The following CLSTN2 variants were observed in gnomAD, a reference collection of about 807,000 sequenced individuals.
The protein encoded by CLSTN2 is calsyntenin-2.
Under a neutral mutation model 101.2 loss-of-function variants are expected in CLSTN2, and 48 were observed. That is an observed-to-expected ratio of 0.47 (90% CI 0.38 to 0.60). CLSTN2 has a LOEUF of 0.60. Among genes scored for constraint, CLSTN2 ranks in the 20% least tolerant of loss-of-function variants. The pLI is 0.00. For missense variants in CLSTN2, 1,160 were observed against 1,238.2 expected, an observed-to-expected ratio of 0.94 and a Z score of 0.95; for synonymous variants, 481 against 463.6, an observed-to-expected ratio of 1.04 and a Z score of -0.48.
intron 2 of CLSTN2, among the ~76,000 whole-genome samples, chr3:140,380,818 G>A (rs1240724435): frequency 1.3e-5 from 2 of 152,174 alleles, no homozygotes; most frequent in Non-Finnish European, 2.9e-5. Flanking sequence ...ATTCCTTCTG[G>A]GGTCCTGTCT....
chr3:139,964,277 C>T (rs1248528021), intron 1 of CLSTN2, among the ~76,000 whole-genome samples: 2 of 152,136 alleles, frequency 1.3e-5, no homozygotes, highest in East Asian at 3.9e-4. Context: ...GGGATACAGC[C>T]ATGCAGGGAG....
At position 140,411,660 on chromosome 3, in the gene CLSTN2, C is replaced by A. The variant is rs185817362; in HGVS notation, c.637+6894C>A. 3.9e-5 allele frequency among the ~76,000 whole-genome samples: 6 copies of A among 152,326 alleles called. No individual in the cohort carries two copies. In the East Asian group the frequency reaches 1.2e-3, roughly 29 times the overall value. Reference sequence around the variant, plus strand: ...TCTCCAGGAAGATCACATATTAGGTCATTGTTTTCAATGAAACTCTTCAAG... The same window carrying A: ...TCTCCAGGAAGATCACATATTAGGTAATTGTTTTCAATGAAACTCTTCAAG... On this transcript the variant is annotated intron_variant, in intron 4 of 16. Transcript: ENST00000458420.
At chr3:140,037,251 C>G (rs1347120114) in intron 1 of CLSTN2, among the ~76,000 whole-genome samples, 1 of 152,192 alleles carries the variant, frequency 6.6e-6, no homozygotes, top group Non-Finnish European at 1.5e-5. Flanking sequence ...AGACCCAACA[C>G]CTACCACAGA....
intron 2 of CLSTN2, among the ~76,000 whole-genome samples, chr3:140,386,163 TA>T (rs2088049123): frequency 6.6e-6 from 1 of 152,212 alleles, no homozygotes; most frequent in Non-Finnish European, 1.5e-5. Flanking sequence ...AATAGCCCAA[TA>T]CAGTATAATC....
chr3:140,315,568 G>GTCT (rs1332433031), intron 2 of CLSTN2, among the ~76,000 whole-genome samples: 1 of 152,128 alleles, frequency 6.6e-6, no homozygotes, highest in Non-Finnish European at 1.5e-5. Flanking sequence ...TTCCACGTGG[G>GTCT]CCAAATGTGA....
intron 10 of CLSTN2, among the ~76,000 whole-genome samples, 198 bp from the exon 11 acceptor site, chr3:140,556,315 C>T (rs1935789241): frequency 6.6e-6 from 1 of 152,110 alleles, no homozygotes; most frequent in African/African-American, 2.4e-5. Flanking sequence ...TAGGAAAGGG[C>T]CGCAAAGCCC....
Position 140,433,229 on chromosome 3 carries a change from G to T in CLSTN2, c.787+11955G>T, listed in dbSNP as rs556795409. Among the ~76,000 whole-genome samples, 4 of 152,364 alleles carry T rather than the reference G, an allele frequency of 2.6e-5. No individual in the cohort carries two copies. The South Asian group carries it at 8.3e-4, about 32-fold the overall frequency. On this transcript the variant is annotated intron_variant, in intron 5 of 16. Transcript: ENST00000458420. ...CAGACTTGAGAGAGGACCATGGCTT[G>T]TGGATGGTGGAGGTGGGAGGGGTAT...
chr3:140,135,105 C>CATATATAT (rs2009589677), intron 1 of CLSTN2, among the ~76,000 whole-genome samples: 4 of 53,300 alleles, frequency 7.5e-5, no homozygotes, highest in African/African-American at 2.7e-4. Context: ...CACACACACA[C>CATATATAT]ACACACACAC....
At chr3:139,985,739 G>A (rs1448439801) in intron 1 of CLSTN2, among the ~76,000 whole-genome samples, 1 of 152,146 alleles carries the variant, frequency 6.6e-6, no homozygotes, top group East Asian at 1.9e-4. Context: ...CATGCCTTTG[G>A]AGTGTGTATT....
chr3:140,288,971 C>T (rs1392415814), intron 2 of CLSTN2, among the ~76,000 whole-genome samples: 1 of 152,150 alleles, frequency 6.6e-6, no homozygotes, highest in Admixed American at 6.5e-5. Context: ...TTTTCCTCTT[C>T]ACCTGGGTCA....
At chr3:140,144,591 G>A (rs990247964) in intron 1 of CLSTN2, among the ~76,000 whole-genome samples, 1 of 152,076 alleles carries the variant, frequency 6.6e-6, no homozygotes, top group Admixed American at 6.6e-5. Flanking sequence ...ACTCCAGCCT[G>A]GGCATCAGAG....
intron 1 of CLSTN2, among the ~76,000 whole-genome samples, chr3:139,947,271 T>G (rs73867235): frequency 0.05 from 7,599 of 152,310 alleles, 595 homozygotes; most frequent in African/African-American, 0.17. Context: ...AACCTACTCT[T>G]GTCCTCCCAG....
At chr3:140,047,469 AT>A (rs2007904030) in intron 1 of CLSTN2, among the ~76,000 whole-genome samples, 1 of 152,124 alleles carries the variant, frequency 6.6e-6, no homozygotes, top group South Asian at 2.1e-4. Flanking sequence ...TTTATATAAT[AT>A]TTTATTTTAA....
chr3:140,168,450 G>C (rs1003902828), intron 1 of CLSTN2, among the ~76,000 whole-genome samples: 1 of 151,930 alleles, frequency 6.6e-6, no homozygotes, highest in Admixed American at 6.6e-5. Context: ...TTTCCTCCTA[G>C]TCTGTGGCTT....
At chr3:140,162,029 G>T (rs765751385) in intron 1 of CLSTN2, among the ~76,000 whole-genome samples, 1 of 152,164 alleles carries the variant, frequency 6.6e-6, no homozygotes, top group Non-Finnish European at 1.5e-5. Flanking sequence ...AAAAAACAGT[G>T]GGAAGAGTCT....
chr3:140,258,581 T>C (rs1266483862), intron 2 of CLSTN2, among the ~76,000 whole-genome samples: 1 of 152,220 alleles, frequency 6.6e-6, no homozygotes, highest in Non-Finnish European at 1.5e-5. Context: ...GCTGCTGTGA[T>C]ATGTATTTGC....
At chr3:140,060,414 C>T (rs1313066111) in intron 1 of CLSTN2, among the ~76,000 whole-genome samples, 1 of 152,100 alleles carries the variant, frequency 6.6e-6, no homozygotes, top group African/African-American at 2.4e-5. Flanking sequence ...TGCTTTAATA[C>T]GATCCCCAAA....
intron 2 of CLSTN2, among the ~76,000 whole-genome samples, chr3:140,256,941 G>A (rs770877416): frequency 6.6e-6 from 1 of 152,186 alleles, no homozygotes; most frequent in Non-Finnish European, 1.5e-5. Context: ...TCTATGCTGG[G>A]AAGTCTGGCT....
At chr3:140,044,114 T>C (rs2107765097) in intron 1 of CLSTN2, among the ~76,000 whole-genome samples, 1 of 152,338 alleles carries the variant, frequency 6.6e-6, no homozygotes, top group African/African-American at 2.4e-5. Context: ...ATAAATTACC[T>C]TGGGCAGTAT....
Sources: allele counts gnomAD v4.1 joint callset (sites outside exome capture counted in the v4.1 genomes callset), GRCh38; gene constraint gnomAD v4.1.1; transcripts MANE v1.5; gene names NCBI Gene and HGNC (gene_info 2026-07-23, HGNC 2026-07-21).